NIF3L1: variants seen among roughly 807,000 people sequenced by gnomAD.
The protein encoded by NIF3L1 is NIF3-like protein 1.
In NIF3L1, 26 loss-of-function variants were observed where a neutral mutation model predicts 35.0. That is an observed-to-expected ratio of 0.74 (90% CI 0.54 to 1.03). The LOEUF (loss-of-function observed/expected upper bound fraction) is 1.03. NIF3L1 is among the 50% of genes least tolerant of loss of function. The pLI is 0.00. For missense variants in NIF3L1, 449 were observed against 466.3 expected, an observed-to-expected ratio of 0.96 and a Z score of 0.34; for synonymous variants, 157 against 178.9, an observed-to-expected ratio of 0.88 and a Z score of 0.98.
intron 6 of NIF3L1, among the ~76,000 whole-genome samples, chr2:200,902,528 A>T (rs2124903349): frequency 6.6e-6 from 1 of 152,260 alleles, no homozygotes; most frequent in East Asian, 1.9e-4. Context: ...AGATCGTGCT[A>T]CTGTACTCCA....
rs1002664372 is a variant in NIF3L1 at position 200,903,715 on chromosome 2, G to T, written c.*37G>T. On this transcript the variant is annotated 3_prime_UTR_variant, in exon 7 of 7. Transcript: ENST00000409020. ...TCAGGATAACACATTCTACAAATCA[G>T]CTGGATGCCAACTTAAATTTGTAAC... The T allele has an allele frequency of 1.9e-6, 3 of 1,552,340 alleles. No homozygotes were observed. The African/African-American group carries it at 4.1e-5, about 21-fold the overall frequency.
chr2:200,902,366 G>A lies in NIF3L1; in HGVS notation c.950-1128G>A, dbSNP rs539454296. 2.8e-4 allele frequency among the ~76,000 whole-genome samples: 42 copies of A among 152,200 alleles called. No homozygotes were observed. In the South Asian group the frequency reaches 8.5e-3, roughly 31 times the overall value. The stretch of plus-strand genomic sequence containing the variant: ...GCAGATCACTTGAGCCCAGCAGTTC[G>A]AGACCAGCCTGGCCAACGTGGTGAA... On this transcript the variant is annotated intron_variant, in intron 6 of 6. Transcript: ENST00000409020.
rs375445740 is a variant in NIF3L1, at chr2:200,893,294, C to T, written c.485C>T (p.Pro162Leu). The change falls in exon 3 of 7, where the codon CCT (proline) becomes CTT (leucine). Residue 162 changes from proline (P) to leucine (L), a missense_variant. Transcript: ENST00000409020. ...PIHPSKAPNY[P>L]TEGNHRVEFN... ...CATCCTTCCAAAGCTCCCAACTACC[C>T]TACAGAGGGAAACCACCGAGTAGAA... 1.9e-6 allele frequency: 3 copies of T among 1,604,946 alleles called. No individual in the cohort carries two copies. Among genetic ancestry groups the T allele is most frequent in the African/African-American group, 1.3e-5 (1 of 74,284 alleles).
chr2:200,898,331 A>G lies in NIF3L1; in HGVS notation c.866-1054A>G, dbSNP rs548677200. ...GGAAGGCACCTCTTCTCAGGGTGGCAGGAGAGAGAATGAGTGCAAGCAAGA... is the reference window on the plus strand; with the variant it reads ...GGAAGGCACCTCTTCTCAGGGTGGCGGGAGAGAGAATGAGTGCAAGCAAGA... On this transcript the variant is annotated intron_variant, in intron 5 of 6. Transcript: ENST00000409020. 2.9e-3 allele frequency among the ~76,000 whole-genome samples: 439 copies of G among 152,336 alleles called. 3 individuals are homozygous for G. The highest frequency in any genetic ancestry group is 0.01 in the African/African-American group (429 of 41,572).
rs1157470193 is a variant in NIF3L1, at chr2:200,892,340, G to C, written c.397G>C (p.Ala133Pro). Residue 133 changes from alanine to proline, a missense_variant, in exon 2 of 7, where the codon GCG (alanine) becomes CCG (proline). Ala to Pro is a conservative substitution (Grantham distance 27, BLOSUM62 -1). Coordinates refer to ENST00000409020, the MANE Select transcript of NIF3L1 (RefSeq NM_001369441.2). ...IYSPHTAYDA[A>P]PQGVNNWLAK... The stretch of plus-strand genomic sequence containing the variant: ...CTCTCCTCATACAGCCTATGATGCT[G>C]CGCCCCAGGGCGTCAACAACTGGTT... 1 of 1,608,618 alleles carries C rather than the reference G, an allele frequency of 6.2e-7. No individual in the cohort carries two copies. Among genetic ancestry groups the C allele is most frequent in the Non-Finnish European group, 8.5e-7 (1 of 1,178,236 alleles).
intron 6 of NIF3L1, among the ~76,000 whole-genome samples, chr2:200,901,309 T>G (rs990959574): frequency 6.6e-6 from 1 of 152,230 alleles, no homozygotes; most frequent in African/African-American, 2.4e-5. Flanking sequence ...TCCATAGCAT[T>G]GACATTTTTA....
At chr2:200,894,589 G>A (rs978517122) in intron 3 of NIF3L1, among the ~76,000 whole-genome samples, 1 of 151,752 alleles carries the variant, frequency 6.6e-6, no homozygotes, top group African/African-American at 2.4e-5. Flanking sequence ...TGTATTTTTG[G>A]TGGAGATGGG....
At position 200,889,378 on chromosome 2, in the gene NIF3L1, A is replaced by G. The variant is rs538626798; in HGVS notation, c.-301A>G. On this transcript the variant is annotated 5_prime_UTR_variant, in exon 1 of 7. Transcript: ENST00000409020. ...CGCGGGACCGGAAGTGACGCAGAGA[A>G]GTTTCCGGGACTGGTGAGTAGTGGG... 5 of 292,646 alleles carry G rather than the reference A, an allele frequency of 1.7e-5. No individual in the cohort carries two copies. Among genetic ancestry groups the G allele is most frequent in the Non-Finnish European group, 3.4e-5 (5 of 146,734 alleles). The allele number at this position is 292,646 out of a possible 1,614,324, so 18.1% of individuals were successfully genotyped here.
rs758588079 is a variant in NIF3L1, at chr2:200,903,751, G to A, written c.*73G>A. 2.5e-6 allele frequency: 3 copies of A among 1,202,190 alleles called. No individual in the cohort carries two copies. The highest frequency in any genetic ancestry group is 2.3e-5 in the East Asian group (1 of 42,972). The allele number at this position is 1,202,190 out of a possible 1,614,324, so 74.5% of individuals were successfully genotyped here. ...ACTTAAATTTGTAACATGAGTCAGT[G>A]GGACTGGTGTGCTTCCAGAGAGTGT... On this transcript the variant is annotated 3_prime_UTR_variant, in exon 7 of 7. Transcript: ENST00000409020.
chr2:200,899,469 G>C lies in NIF3L1; in HGVS notation c.949+1G>C. On this transcript the variant is annotated splice_donor_variant, in intron 6 of 6. Transcript: ENST00000409020. LOFTEE classifies it high-confidence loss of function. ...GTTGAGGCTGACCTTTACCTCACAG[G>C]TAGGACAGACTTTGGATCTCTCTTG... 1 of 1,613,150 alleles carries C rather than the reference G, an allele frequency of 6.2e-7. No homozygotes were observed. Among genetic ancestry groups the C allele is most frequent in the African/African-American group, 1.3e-5 (1 of 74,980 alleles).
intron 6 of NIF3L1, among the ~76,000 whole-genome samples, chr2:200,900,432 C>G (rs985281128): frequency 5.9e-5 from 9 of 152,094 alleles, no homozygotes; most frequent in Non-Finnish European, 1.0e-4. Flanking sequence ...TTACTTTTCC[C>G]ACTTTGAGGA....
chr2:200,889,403 G>A lies in NIF3L1; in HGVS notation c.-276G>A, dbSNP rs2040113796. On this transcript the variant is annotated 5_prime_UTR_variant, in exon 1 of 7. Coordinates refer to ENST00000409020, the MANE Select transcript of NIF3L1 (RefSeq NM_001369441.2). Reference sequence around the variant, plus strand: ...AGTTTCCGGGACTGGTGAGTAGTGGGCGATTTAAAAACCCGCGAGTGTAGT... The same window carrying A: ...AGTTTCCGGGACTGGTGAGTAGTGGACGATTTAAAAACCCGCGAGTGTAGT... 4.0e-6 allele frequency: 1 copy of A among 248,558 alleles called. No homozygotes were observed. Among genetic ancestry groups the A allele is most frequent in the Admixed American group, 5.1e-5 (1 of 19,788 alleles). 15.4% of individuals were successfully genotyped at this position (248,558 alleles called of 1,614,324 possible).
At chr2:200,896,000 A>G (rs1054193657) in intron 4 of NIF3L1, among the ~76,000 whole-genome samples, 2 of 149,034 alleles carry the variant, frequency 1.3e-5, no homozygotes, top group Admixed American at 6.7e-5. Flanking sequence ...TCCATATTTC[A>G]TATTTCAGTA....
At chr2:200,902,912 T>C (rs535586414) in intron 6 of NIF3L1, among the ~76,000 whole-genome samples, 2 of 152,300 alleles carry the variant, frequency 1.3e-5, no homozygotes, top group South Asian at 4.1e-4. Flanking sequence ...GAATGGGTGT[T>C]TACAGATCTG....
Position 200,897,178 on chromosome 2 carries a change from CAT to C in NIF3L1, c.832_833del (p.Ile278SerfsTer32). The C allele has an allele frequency of 6.2e-7, 1 of 1,613,936 alleles. No homozygotes were observed. Among genetic ancestry groups the C allele is most frequent in the South Asian group, 1.1e-5 (1 of 91,062 alleles). On this transcript the variant is annotated frameshift_variant, in exon 5 of 7. Coordinates refer to ENST00000409020, the MANE Select transcript of NIF3L1 (RefSeq NM_001369441.2). LOFTEE classifies it high-confidence loss of function. ...AATAAAAAGACACCTAAAACTATCT[CAT>C]ATTCGCTTAGCCCTTGGGGTGGGGA... ...DRIKRHLKLSHIRLALGVGRT... is the reference protein window; with the variant it reads ...DRIKRHLKLSXIRLALGVGRT...
In NIF3L1 at chr2:200,895,262, A is replaced by T; in HGVS notation, c.600-2A>T. On this transcript the variant is annotated splice_acceptor_variant, in intron 3 of 6. Transcript: ENST00000409020. LOFTEE classifies it high-confidence loss of function. Reference sequence around the variant, plus strand: ...CTAAATGGAGTGATTTTTCCCCCCTAGGACTGGTAATGAGGAACAAACACG... The same window carrying T: ...CTAAATGGAGTGATTTTTCCCCCCTTGGACTGGTAATGAGGAACAAACACG... The T allele has an allele frequency of 6.2e-7, 1 of 1,613,806 alleles. No individual in the cohort carries two copies. Among genetic ancestry groups the T allele is most frequent in the Non-Finnish European group, 8.5e-7 (1 of 1,179,732 alleles).
chr2:200,896,206 G>A (rs2040310417), intron 4 of NIF3L1, among the ~76,000 whole-genome samples: 1 of 152,070 alleles, frequency 6.6e-6, no homozygotes, highest in African/African-American at 2.4e-5. Flanking sequence ...GCATGGTGTT[G>A]GAAGCCCTTA....
chr2:200,890,954 CTTTTTTT>C (rs58191528), intron 1 of NIF3L1, among the ~76,000 whole-genome samples: 14 of 137,020 alleles, frequency 1.0e-4, no homozygotes, highest in Non-Finnish European at 2.0e-4. Flanking sequence ...TTTAAACATT[CTTTTTTT>C]TTTTTTTTTT....
chr2:200,891,845 C>G lies in NIF3L1; in HGVS notation c.-26-73C>G, dbSNP rs548062146. 10 of 874,940 alleles carry G rather than the reference C, an allele frequency of 1.1e-5. No homozygotes were observed. In the African/African-American group the frequency reaches 1.7e-4, roughly 15 times the overall value. The allele number at this position is 874,940 out of a possible 1,614,324, so 54.2% of individuals were successfully genotyped here. A position where few individuals can be genotyped will look rare whatever the true frequency, so the allele number is the denominator to read the frequency against. ...ATCTCTATGACGACAGCTCTTTTGC[C>G]CATATGTTTTGATGCCTCAAAGATC... On this transcript the variant is annotated intron_variant, in intron 1 of 6. Coordinates refer to ENST00000409020, the MANE Select transcript of NIF3L1 (RefSeq NM_001369441.2).
Sources: allele counts gnomAD v4.1 joint callset (sites outside exome capture counted in the v4.1 genomes callset), GRCh38; gene constraint gnomAD v4.1.1; transcripts MANE v1.5; gene names NCBI Gene and HGNC (gene_info 2026-07-23, HGNC 2026-07-21).